The following ARHGAP12 variants were observed in gnomAD, a reference collection of about 807,000 sequenced individuals.
The protein encoded by ARHGAP12 is Rho GTPase activating protein 12, also known as rho GTPase-activating protein 12.
In ARHGAP12, 64 loss-of-function variants were observed where a neutral mutation model predicts 108.6. That is an observed-to-expected ratio of 0.59 (90% CI 0.48 to 0.73). ARHGAP12 has a LOEUF of 0.73. ARHGAP12 is among the 30% of genes least tolerant of loss of function. ARHGAP12 has a pLI of 0.00. For missense variants in ARHGAP12, 940 were observed against 1,005.9 expected (o/e 0.93, Z 0.89); for synonymous variants, 312 against 337.2 (o/e 0.93, Z 0.82).
chr10:31,916,814 A>G (rs766514708), intron 1 of ARHGAP12, among the ~76,000 whole-genome samples: 58 of 151,880 alleles, frequency 3.8e-4, no homozygotes, highest in Non-Finnish European at 7.8e-4. Context: ...ATGGGGTTTC[A>G]CCATGTTGGC....
At chr10:31,893,528 C>G (rs964462336) in intron 3 of ARHGAP12, among the ~76,000 whole-genome samples, 1 of 151,216 alleles carries the variant, frequency 6.6e-6, no homozygotes, top group African/African-American at 2.4e-5. Context: ...CTCATACACC[C>G]TCCCAAGACT....
chr10:31,808,568 A>C (rs536260447), intron 19 of ARHGAP12, 81 bp downstream of exon 19: 7 of 1,219,668 alleles, frequency 5.7e-6, no homozygotes, highest in African/African-American at 1.5e-5. Flanking sequence ...TCCAAATCTG[A>C]GTCTGAGTGA....
At chr10:31,908,072 G>T in intron 3 of ARHGAP12, 100 bp downstream of exon 3, 1 of 1,184,966 alleles carries the variant, frequency 8.4e-7, no homozygotes, top group Non-Finnish European at 1.2e-6. Context: ...AAAATACAAA[G>T]CAAAACAAGT....
intron 3 of ARHGAP12, among the ~76,000 whole-genome samples, chr10:31,881,747 A>G (rs1396292087): frequency 6.6e-6 from 1 of 152,186 alleles, no homozygotes; most frequent in Non-Finnish European, 1.5e-5. Context: ...CAAATACTAC[A>G]AGTATTAGTA....
chr10:31,827,606 AT>A (rs1247727049), intron 10 of ARHGAP12, among the ~76,000 whole-genome samples: 1 of 152,158 alleles, frequency 6.6e-6, no homozygotes, highest in Non-Finnish European at 1.5e-5. Context: ...CCTGGCTAAC[AT>A]GGTGAAACCT....
At chr10:31,816,552 A>G (rs1240056086) in intron 13 of ARHGAP12, among the ~76,000 whole-genome samples, 24 of 152,174 alleles carry the variant, frequency 1.6e-4, no homozygotes, top group Admixed American at 1.5e-3. Context: ...CTTTCAAGAG[A>G]CAGTGAACAG....
intron 9 of ARHGAP12, among the ~76,000 whole-genome samples, chr10:31,836,881 T>TGATG (rs1836041453): frequency 6.6e-6 from 1 of 151,870 alleles, no homozygotes; most frequent in South Asian, 2.1e-4. Flanking sequence ...TGCCATCTGG[T>TGATG]GATGGAAAAA....
At chr10:31,868,154 C>T (rs1243525058) in intron 3 of ARHGAP12, among the ~76,000 whole-genome samples, 4 of 151,038 alleles carry the variant, frequency 2.6e-5, no homozygotes, top group African/African-American at 4.9e-5. Context: ...GCCAAGATGG[C>T]GCCAGTGCAC....
intron 1 of ARHGAP12, among the ~76,000 whole-genome samples, chr10:31,926,831 T>C (rs1840068509): frequency 6.6e-6 from 1 of 152,202 alleles, no homozygotes; most frequent in Admixed American, 6.5e-5. Flanking sequence ...TCTATTTTCA[T>C]TTGCACCTCG....
At chr10:31,889,558 AATT>A (rs1364082390) in intron 3 of ARHGAP12, among the ~76,000 whole-genome samples, 1 of 151,704 alleles carries the variant, frequency 6.6e-6, no homozygotes, top group Admixed American at 6.6e-5. Flanking sequence ...ACCACTTAAA[AATT>A]TTATCTTCTG....
chr10:31,826,416 C>T (rs1388839824), intron 10 of ARHGAP12, 31 bp from the exon 11 acceptor site: 1 of 1,574,414 alleles, frequency 6.4e-7, no homozygotes, highest in Non-Finnish European at 8.7e-7. Context: ...GATTAAAGCT[C>T]CAATCTCGAG....
In ARHGAP12 at chr10:31,897,228, A is replaced by G. The variant is rs78407620; in HGVS notation, c.684+10944T>C. ...ACAAAGACTTACTTCCTAGACTTAC[A>G]AAGACTTAAAAGGGTTTACCAGAGC... On this transcript the variant is annotated intron_variant, in intron 3 of 19. Coordinates refer to ENST00000344936, the MANE Select transcript of ARHGAP12 (RefSeq NM_018287.7). 6.6e-4 allele frequency among the ~76,000 whole-genome samples: 100 copies of G among 152,254 alleles called. No homozygotes were observed. The East Asian group carries it at 0.019, about 29-fold the overall frequency.
At chr10:31,869,174 C>A (rs1407581729) in intron 3 of ARHGAP12, among the ~76,000 whole-genome samples, 4 of 152,118 alleles carry the variant, frequency 2.6e-5, no homozygotes, top group African/African-American at 9.7e-5. Flanking sequence ...AATCAGCTTT[C>A]TAACATTTAT....
At chr10:31,861,829 T>C (rs1250155535) in intron 3 of ARHGAP12, among the ~76,000 whole-genome samples, 171 bp from the exon 4 acceptor site, 1 of 152,194 alleles carries the variant, frequency 6.6e-6, no homozygotes, top group African/African-American at 2.4e-5. Flanking sequence ...ATAGTTTCAT[T>C]GAAAAATAAA....
chr10:31,820,622 A>C (rs1835374769), intron 11 of ARHGAP12, 134 bp from the exon 12 acceptor site: 1 of 461,706 alleles, frequency 2.2e-6, no homozygotes, highest in South Asian at 6.0e-5. Flanking sequence ...CTCTATTATA[A>C]AGTAACAATT....
intron 4 of ARHGAP12, among the ~76,000 whole-genome samples, chr10:31,859,296 C>T (rs1476885161): frequency 6.6e-6 from 1 of 152,088 alleles, no homozygotes. Flanking sequence ...TCTAATTAGT[C>T]CAAAAGGAAA....
At chr10:31,850,108 C>T (rs894140213) in intron 6 of ARHGAP12, among the ~76,000 whole-genome samples, 1 of 152,134 alleles carries the variant, frequency 6.6e-6, no homozygotes, top group South Asian at 2.1e-4. Context: ...GAATCAGAAA[C>T]CACTATGAAG....
chr10:31,854,665 T>C (rs1836820594), intron 4 of ARHGAP12, among the ~76,000 whole-genome samples: 1 of 152,114 alleles, frequency 6.6e-6, no homozygotes, highest in Admixed American at 6.5e-5. Flanking sequence ...AATAAATATA[T>C]CTCAGACTAT....
chr10:31,920,566 CGATT>C (rs1463150138), intron 1 of ARHGAP12, among the ~76,000 whole-genome samples: 3 of 150,700 alleles, frequency 2.0e-5, no homozygotes, highest in African/African-American at 7.3e-5. Context: ...AAAAAATCCA[CGATT>C]TGTAAGTTTT....
Sources: gnomAD v4.1 joint callset for allele counts (sites outside exome capture counted in the v4.1 genomes callset) on GRCh38, gnomAD v4.1.1 for gene constraint, MANE v1.5 for transcripts, NCBI Gene and HGNC (gene_info 2026-07-23, HGNC 2026-07-21) for gene names.